The following FARS2 variants were observed in gnomAD, a reference collection of about 807,000 sequenced individuals.
FARS2 encodes phenylalanyl-tRNA synthetase 2, mitochondrial.
In FARS2, 40 loss-of-function variants were observed where a neutral mutation model predicts 46.4. The ratio of observed to expected loss-of-function variants is 0.86; its 90% CI spans 0.67 to 1.12. The LOEUF is 1.12. Ranked by LOEUF, FARS2 falls within the 50% of genes most tolerant of loss-of-function variation. The pLI, the probability that FARS2 is intolerant of heterozygous loss-of-function variation, is 0.00. For synonymous variants in FARS2, 234 were observed against 214.9 expected (o/e 1.09, Z -0.78); for missense variants, 513 against 567.9 (o/e 0.90, Z 0.98).
intron 4 of FARS2, among the ~76,000 whole-genome samples, chr6:5,459,780 A>C (rs1582171199): frequency 6.6e-6 from 1 of 150,726 alleles, no homozygotes; most frequent in Admixed American, 6.6e-5. Context: ...CCTTTTCCCC[A>C]CCTCCCTCCA....
chr6:5,275,163 A>G (rs1766249764), intron 1 of FARS2, among the ~76,000 whole-genome samples: 1 of 152,160 alleles, frequency 6.6e-6, no homozygotes, highest in South Asian at 2.1e-4. Flanking sequence ...TTTTCTTCTT[A>G]AACAGATGCA....
At chr6:5,690,085 T>C (rs1757579905) in intron 6 of FARS2, among the ~76,000 whole-genome samples, 1 of 152,238 alleles carries the variant, frequency 6.6e-6, no homozygotes, top group Admixed American at 6.5e-5. Context: ...TTTGAGCCTA[T>C]GTGTGTCTCT....
intron 4 of FARS2, among the ~76,000 whole-genome samples, chr6:5,482,677 T>A (rs1235772703): frequency 6.6e-6 from 1 of 152,082 alleles, no homozygotes; most frequent in African/African-American, 2.4e-5. Context: ...ATCACTGTGA[T>A]GAGCACTGCA....
intron 1 of FARS2, among the ~76,000 whole-genome samples, chr6:5,316,074 A>G (rs1241541701): frequency 1.3e-5 from 2 of 152,228 alleles, no homozygotes; most frequent in South Asian, 2.1e-4. Flanking sequence ...AGCCATCTGC[A>G]TGTTGGCTGA....
rs527453233 is a variant in FARS2 at position 5,615,514 on chromosome 6, A to G, written c.1217+2194A>G. ...TTTCTGCTTTCTGGTCTTCCTTCAT[A>G]GAGAAATTGCTTCACTACATTTTAA... On this transcript the variant is annotated intron_variant, in intron 6 of 6. Coordinates refer to ENST00000274680, the MANE Select transcript of FARS2 (RefSeq NM_006567.5). 3.3e-5 allele frequency among the ~76,000 whole-genome samples: 5 copies of G among 152,318 alleles called. No homozygotes were observed. In the South Asian group the frequency reaches 1.0e-3, roughly 32 times the overall value.
chr6:5,504,964 G>A (rs962146635), intron 4 of FARS2, among the ~76,000 whole-genome samples: 1 of 152,000 alleles, frequency 6.6e-6, no homozygotes, highest in South Asian at 2.1e-4. Flanking sequence ...CATCACACCT[G>A]GCTTGGACGT....
intron 1 of FARS2, among the ~76,000 whole-genome samples, chr6:5,296,363 G>A (rs374311791): frequency 2.4e-4 from 37 of 152,018 alleles, no homozygotes; most frequent in Admixed American, 1.3e-3. Context: ...GGATGGTCTC[G>A]ATCTCCTGAC....
rs111451171 is a variant in FARS2 at position 5,418,874 on chromosome 6, T to TTTATTATTA, written c.773-12151_773-12143dup. ...TGGTGTGATTTTATATATTTGTCTT[T>TTTATTATTA]TTATTATTATTATTATTATTATTAG... On this transcript the variant is annotated intron_variant, in intron 3 of 6. Transcript: ENST00000274680. 9.3e-4 allele frequency among the ~76,000 whole-genome samples: 139 copies of TTTATTATTA among 150,062 alleles called. 1 individual carries two copies. Among genetic ancestry groups the TTTATTATTA allele is most frequent in the South Asian group, 6.5e-3 (31 of 4,760 alleles).
intron 4 of FARS2, among the ~76,000 whole-genome samples, chr6:5,533,494 A>G (rs1201000398): frequency 2.0e-5 from 3 of 152,174 alleles, no homozygotes; most frequent in Non-Finnish European, 2.9e-5. Flanking sequence ...TTCTTTGCAA[A>G]TATTTACTGA....
At chr6:5,346,954 C>T (rs1213188053) in intron 1 of FARS2, among the ~76,000 whole-genome samples, 1 of 151,306 alleles carries the variant, frequency 6.6e-6, no homozygotes, top group Non-Finnish European at 1.5e-5. Context: ...CGTTCTGTCA[C>T]CCAGGCTGGA....
At chr6:5,538,558 G>A (rs1237845014) in intron 4 of FARS2, among the ~76,000 whole-genome samples, 1 of 152,082 alleles carries the variant, frequency 6.6e-6, no homozygotes, top group Non-Finnish European at 1.5e-5. Context: ...AAAAAATCCA[G>A]TTGTCAAGAA....
At chr6:5,558,045 T>G (rs547082297) in intron 5 of FARS2, among the ~76,000 whole-genome samples, 17 of 152,140 alleles carry the variant, frequency 1.1e-4, no homozygotes, top group African/African-American at 4.1e-4. Flanking sequence ...TGATCAGAAC[T>G]AATTCAAATG....
intron 5 of FARS2, among the ~76,000 whole-genome samples, chr6:5,547,244 G>A (rs147443955): frequency 9.9e-5 from 15 of 152,212 alleles, no homozygotes; most frequent in Admixed American, 2.6e-4. Context: ...GAACCACTGC[G>A]CCCGGCCTCA....
chr6:5,608,541 G>T (rs746038142), intron 5 of FARS2, among the ~76,000 whole-genome samples: 9 of 151,932 alleles, frequency 5.9e-5, no homozygotes, highest in Non-Finnish European at 1.3e-4. Context: ...ATCGTTTATT[G>T]ATTACACATG....
At chr6:5,503,175 T>G (rs1230993432) in intron 4 of FARS2, among the ~76,000 whole-genome samples, 3 of 150,370 alleles carry the variant, frequency 2.0e-5, no homozygotes, top group Non-Finnish European at 4.4e-5. Flanking sequence ...AATTCATAAT[T>G]TAAAAATTAA....
intron 2 of FARS2, among the ~76,000 whole-genome samples, chr6:5,382,587 G>A (rs1759860376): frequency 1.3e-5 from 2 of 152,104 alleles, no homozygotes; most frequent in East Asian, 3.9e-4. Context: ...ATTATTAAAA[G>A]GCCTAATAGT....
intron 4 of FARS2, among the ~76,000 whole-genome samples, chr6:5,462,380 T>G (rs946494957): frequency 6.6e-6 from 1 of 152,162 alleles, no homozygotes; most frequent in African/African-American, 2.4e-5. Flanking sequence ...TCTTTTGAAA[T>G]TTTAAATTTT....
intron 4 of FARS2, among the ~76,000 whole-genome samples, chr6:5,481,638 C>G (rs573665392): frequency 2.6e-5 from 4 of 152,288 alleles, no homozygotes; most frequent in Non-Finnish European, 5.9e-5. Context: ...TTTAGAGTCA[C>G]AGTCCTATTT....
rs1371216155 is a variant in FARS2 at position 5,754,395 on chromosome 6, G to A, written c.1218-16896G>A. Among the ~76,000 whole-genome samples, 5 of 152,210 alleles carry A rather than the reference G, an allele frequency of 3.3e-5. No homozygotes were observed. In the South Asian group the frequency reaches 1.0e-3, roughly 32 times the overall value. ...CCTGAGCTATTTACTCCAGCCTAGGGCACTTCTGCGAAAACCATCTGAGAG... is the reference window on the plus strand; with the variant it reads ...CCTGAGCTATTTACTCCAGCCTAGGACACTTCTGCGAAAACCATCTGAGAG... On this transcript the variant is annotated intron_variant, in intron 6 of 6. Coordinates refer to ENST00000274680, the MANE Select transcript of FARS2 (RefSeq NM_006567.5).
Sources: allele counts gnomAD v4.1 joint callset (sites outside exome capture counted in the v4.1 genomes callset), GRCh38; gene constraint gnomAD v4.1.1; transcripts MANE v1.5; gene names NCBI Gene and HGNC (gene_info 2026-07-23, HGNC 2026-07-21).